Variants in ATP2B3 observed in about 807,000 individuals in gnomAD.
ATP2B3 encodes ATPase plasma membrane Ca2+ transporting 3.
Under a neutral mutation model 70.8 loss-of-function variants are expected in ATP2B3, and 12 were observed. The ratio of observed to expected loss-of-function variants is 0.17; its 90% CI spans 0.11 to 0.27. The LOEUF (loss-of-function observed/expected upper bound fraction) is 0.27, where lower values mean the gene tolerates loss of function less well. ATP2B3 is among the 10% of genes least tolerant of loss of function. ATP2B3 has a pLI of 1.00. For synonymous variants in ATP2B3, 460 were observed against 497.8 expected, an observed-to-expected ratio of 0.92 and a Z score of 1.01; for missense variants, 858 against 1,118.5, an observed-to-expected ratio of 0.77 and a Z score of 3.32.
At chrX:153,533,042 C>T (rs1394439537) in intron 2 of ATP2B3, 10 of 111,655 alleles carry the variant, frequency 9.0e-5, no homozygotes, top group African/African-American at 3.3e-4. Context: ...ACCCCGACCC[C>T]ACCCTGTCCT....
chrX:153,520,837 G>A (rs1333228599), intron 2 of ATP2B3, among the ~76,000 whole-genome samples: 4 of 112,461 alleles, frequency 3.6e-5, no homozygotes, highest in African/African-American at 1.3e-4. Flanking sequence ...CACTGTCTCG[G>A]GTACTCCCAG....
chrX:153,575,621 C>T (rs1236697045), intron 21 of ATP2B3, among the ~76,000 whole-genome samples: 1 of 105,606 alleles, frequency 9.5e-6, no homozygotes, highest in South Asian at 4.2e-4. Flanking sequence ...TTCTGGATGG[C>T]GTTTGAAGGG....
intron 21 of ATP2B3, among the ~76,000 whole-genome samples, chrX:153,578,108 C>T (rs782506962): frequency 2.7e-5 from 3 of 112,757 alleles, no homozygotes; most frequent in Non-Finnish European, 5.6e-5. Flanking sequence ...TCTCTGCTGC[C>T]GTGACACAAC....
In ATP2B3 at chrX:153,560,873, A is replaced by G. The variant is rs782651837; in HGVS notation, c.3037A>G (p.Thr1013Ala). ...CATCTTCTGCACCATCGTTTTGGGC[A>G]CTTTCGGGATTCAGGTAGGAGGGGC... ...NPIFCTIVLGTFGIQIVIVQF... is the reference protein window; with the variant it reads ...NPIFCTIVLGAFGIQIVIVQF... The change falls in exon 19 of 22, where the codon ACT becomes GCT. Residue 1013 changes from threonine to alanine, a missense_variant. Around this residue, in one of 5 missense-constraint regions of ATP2B3, gnomAD observed 265 missense variants for 305.3 expected, o/e 0.87. Coordinates refer to ENST00000263519, the MANE Select transcript of ATP2B3 (RefSeq NM_001001344.3). 1 of 1,211,446 alleles carries G rather than the reference A, an allele frequency of 8.3e-7. No individual in the cohort carries two copies.
chrX:153,574,820 G>A (rs1050917015), intron 21 of ATP2B3: 14 of 329,137 alleles, frequency 4.3e-5, no homozygotes, highest in African/African-American at 8.0e-5. Context: ...CCAGCTGGCC[G>A]GCAGTGGCAT....
intron 21 of ATP2B3, among the ~76,000 whole-genome samples, chrX:153,570,547 A>G (rs1252117204): frequency 8.9e-6 from 1 of 112,402 alleles, no homozygotes; most frequent in Non-Finnish European, 1.9e-5. Flanking sequence ...ACAAAGACAA[A>G]GGGAAGGCCA....
intron 21 of ATP2B3, among the ~76,000 whole-genome samples, 170 bp downstream of exon 21, chrX:153,565,273 G>T (rs924985964): frequency 3.5e-5 from 4 of 113,540 alleles, no homozygotes; most frequent in African/African-American, 1.3e-4. Flanking sequence ...TGCCATTCCG[G>T]GCTGTGCCCG....
chrX:153,550,968 C>T (rs1211137972), intron 12 of ATP2B3, among the ~76,000 whole-genome samples: 1 of 112,306 alleles, frequency 8.9e-6, no homozygotes, highest in Non-Finnish European at 1.9e-5. Flanking sequence ...TCCATCCATC[C>T]CTTCATCTGT....
chrX:153,523,530 T>G (rs1230096286), intron 2 of ATP2B3, among the ~76,000 whole-genome samples: 1 of 111,655 alleles, frequency 9.0e-6, no homozygotes, highest in Non-Finnish European at 1.9e-5. Flanking sequence ...CACTGCAACC[T>G]TGCCAGCATT....
chrX:153,529,234 A>T (rs2090077983), intron 2 of ATP2B3, among the ~76,000 whole-genome samples: 2 of 111,869 alleles, frequency 1.8e-5, no homozygotes, highest in South Asian at 7.6e-4. Context: ...GCCTCTCTCC[A>T]CTGATCTGCT....
chrX:153,544,599 C>A (rs2090335891), intron 7 of ATP2B3, among the ~76,000 whole-genome samples: 3 of 111,626 alleles, frequency 2.7e-5, no homozygotes, highest in African/African-American at 9.8e-5. Context: ...AGGGTACCAG[C>A]AAGACCAGGG....
At chrX:153,540,436 G>T (rs1394534532) in intron 3 of ATP2B3, among the ~76,000 whole-genome samples, 5 of 111,604 alleles carry the variant, frequency 4.5e-5, no homozygotes, top group African/African-American at 1.6e-4. Flanking sequence ...TTCTTCTTTG[G>T]GTCTCTGGAC....
At chrX:153,549,992 C>A in intron 11 of ATP2B3, 53 bp from the exon 12 acceptor site, 1 of 1,189,758 alleles carries the variant, frequency 8.4e-7, no homozygotes, top group East Asian at 3.0e-5. Context: ...CCAGGGGCAG[C>A]ATGGAGGGTG....
intron 21 of ATP2B3, among the ~76,000 whole-genome samples, chrX:153,572,013 C>A (rs1343575042): frequency 8.9e-6 from 1 of 112,597 alleles, no homozygotes; most frequent in Non-Finnish European, 1.9e-5. Context: ...AACCCAACCC[C>A]CACTCCACGC....
At position 153,547,738 on chromosome X, in the gene ATP2B3, T is replaced by C. The variant is rs181355867; in HGVS notation, c.959-97T>C. 5.0e-5 allele frequency: 51 copies of C among 1,015,982 alleles called. No homozygotes were observed. The African/African-American group carries it at 8.7e-4, about 17-fold the overall frequency. 83.7% of individuals were successfully genotyped at this position (1,015,982 alleles called of 1,213,427 possible). ...GAGCTCCACTGAATCCCGTCTCCTC[T>C]CTATGGTGTGGCATGTCTTTCCCCC... On this transcript the variant is annotated intron_variant, in intron 8 of 21. Coordinates refer to ENST00000263519, the MANE Select transcript of ATP2B3 (RefSeq NM_001001344.3).
At chrX:153,557,747 C>T (rs2090560721) in intron 16 of ATP2B3, among the ~76,000 whole-genome samples, 1 of 111,173 alleles carries the variant, frequency 9.0e-6, no homozygotes, top group African/African-American at 3.3e-5. Context: ...CTTCCCAGGG[C>T]TCCTTAGCCA....
chrX:153,560,364 TG>T (rs200624199), intron 18 of ATP2B3, among the ~76,000 whole-genome samples: 5,344 of 110,944 alleles, frequency 0.048, 120 homozygotes, highest in African/African-American at 0.065. Flanking sequence ...GTGAGGTGGG[TG>T]GGGGGTGACC....
At chrX:153,544,205 C>T (rs1006927965) in intron 7 of ATP2B3, among the ~76,000 whole-genome samples, 1 of 112,230 alleles carries the variant, frequency 8.9e-6, no homozygotes, top group Non-Finnish European at 1.9e-5. Flanking sequence ...CAGCCCTGGG[C>T]CTCGTCTGGG....
chrX:153,521,142 C>T (rs1026451203), intron 2 of ATP2B3, among the ~76,000 whole-genome samples: 4 of 113,108 alleles, frequency 3.5e-5, no homozygotes, highest in Admixed American at 9.3e-5. Flanking sequence ...TCCCCAGCAA[C>T]GCCCCGGGCT....
Sources: allele counts gnomAD v4.1 joint callset (sites outside exome capture counted in the v4.1 genomes callset), GRCh38; gene constraint gnomAD v4.1.1; regional missense constraint gnomAD v4.1.1; transcripts MANE v1.5; gene names NCBI Gene and HGNC (gene_info 2026-07-23, HGNC 2026-07-21).